KCNIP1: variants seen among roughly 807,000 people sequenced by gnomAD.
KCNIP1 encodes the protein potassium voltage-gated channel interacting protein 1, also known as A-type potassium channel modulatory protein KCNIP1.
KCNIP1 carries 18 observed loss-of-function variants against 33.0 expected under a neutral mutation model. The observed-to-expected ratio is 0.55, with a 90% CI of 0.38 to 0.81. The LOEUF (loss-of-function observed/expected upper bound fraction) is 0.81. KCNIP1 is among the 30% of genes least tolerant of loss of function. The pLI is 0.00. For missense variants in KCNIP1, 238 were observed against 271.6 expected, an observed-to-expected ratio of 0.88 and a Z score of 0.87; for synonymous variants, 93 against 98.3, an observed-to-expected ratio of 0.95 and a Z score of 0.32.
At chr5:170,523,201 T>C (rs1470592649) in intron 1 of KCNIP1, among the ~76,000 whole-genome samples, 1 of 152,140 alleles carries the variant, frequency 6.6e-6, no homozygotes, top group East Asian at 1.9e-4. Flanking sequence ...GAAGAGACAG[T>C]CTGACAGGTG....
chr5:170,725,461 CT>C (rs1353658830), intron 5 of KCNIP1, among the ~76,000 whole-genome samples: 1 of 151,918 alleles, frequency 6.6e-6, no homozygotes, highest in Non-Finnish European at 1.5e-5. Context: ...TTTGTTGGAT[CT>C]AAAAATCAAA....
intron 1 of KCNIP1, among the ~76,000 whole-genome samples, chr5:170,632,394 C>T (rs1043300239): frequency 5.9e-5 from 9 of 152,232 alleles, no homozygotes; most frequent in African/African-American, 2.2e-4. Flanking sequence ...ACCACTGCCC[C>T]CTGGCGCTTC....
chr5:170,535,143 G>T (rs1755933139), intron 1 of KCNIP1, among the ~76,000 whole-genome samples: 1 of 152,198 alleles, frequency 6.6e-6, no homozygotes. Flanking sequence ...AGCAGTGCCT[G>T]CCTGGCTCTA....
chr5:170,405,678 C>T (rs1755020991), intron 1 of KCNIP1, among the ~76,000 whole-genome samples: 1 of 152,238 alleles, frequency 6.6e-6, no homozygotes, highest in Admixed American at 6.5e-5. Flanking sequence ...TGTTCTCTGA[C>T]AGTCAGTTCT....
chr5:170,460,964 A>T (rs1756489559), intron 1 of KCNIP1, among the ~76,000 whole-genome samples: 1 of 152,230 alleles, frequency 6.6e-6, no homozygotes, highest in East Asian at 1.9e-4. Context: ...AAAGTTTTGA[A>T]TACAAAATTA....
chr5:170,528,958 C>T lies in KCNIP1; in HGVS notation c.61+24325C>T, dbSNP rs578205133. On this transcript the variant is annotated intron_variant, in intron 1 of 7. Transcript: ENST00000328939. ...ATTGCATGGGAGACCATACCTAACC[C>T]CAAAGATTGCCCCATAGTCTCTTTG... 2.0e-5 allele frequency among the ~76,000 whole-genome samples: 3 copies of T among 152,244 alleles called. No homozygotes were observed. The South Asian group carries it at 6.2e-4, about 32-fold the overall frequency.
intron 1 of KCNIP1, among the ~76,000 whole-genome samples, chr5:170,543,590 C>T (rs1413164879): frequency 1.3e-5 from 2 of 152,182 alleles, no homozygotes; most frequent in African/African-American, 4.8e-5. Flanking sequence ...TTGACTTTCA[C>T]AGCACAATAA....
intron 5 of KCNIP1, among the ~76,000 whole-genome samples, chr5:170,728,512 A>G (rs1441510854): frequency 6.6e-6 from 1 of 152,234 alleles, no homozygotes; most frequent in Admixed American, 6.5e-5. Flanking sequence ...TACATATGCA[A>G]AAAGAAATTG....
At chr5:170,673,729 C>A (rs144103016) in intron 1 of KCNIP1, among the ~76,000 whole-genome samples, 58 of 152,074 alleles carry the variant, frequency 3.8e-4, no homozygotes, top group Admixed American at 3.8e-3. Flanking sequence ...GCTGTGTCCT[C>A]GCAGGGAGAT....
At chr5:170,451,743 G>GTA (rs1756257860) in intron 1 of KCNIP1, among the ~76,000 whole-genome samples, 1 of 150,768 alleles carries the variant, frequency 6.6e-6, no homozygotes, top group East Asian at 1.9e-4. Context: ...GTGTGTGTGT[G>GTA]TGTGTGTGTG....
Position 170,403,642 on chromosome 5 carries a change from G to A in KCNIP1, c.88+49678G>A, listed in dbSNP as rs145842169. Among the ~76,000 whole-genome samples, 1,184 of 152,260 alleles carry A rather than the reference G, an allele frequency of 7.8e-3. 16 individuals are homozygous for A. Among genetic ancestry groups the A allele is most frequent in the African/African-American group, 0.027 (1,114 of 41,522 alleles). On this transcript the variant is annotated intron_variant, in intron 1 of 7. Coordinates refer to the KCNIP1 transcript ENST00000377360. The stretch of plus-strand genomic sequence containing the variant: ...TGAGTGTATAGGTCTCCTTCCCAAG[G>A]CCAAGTGCTCCTCTGGGATGGAAGC...
chr5:170,561,427 G>A (rs1368800038), intron 1 of KCNIP1, among the ~76,000 whole-genome samples: 1 of 152,208 alleles, frequency 6.6e-6, no homozygotes, highest in South Asian at 2.1e-4. Flanking sequence ...GAGAAAGGAG[G>A]AGGATGGTGC....
At chr5:170,698,618 C>T (rs1012972014) in intron 1 of KCNIP1, among the ~76,000 whole-genome samples, 8 of 152,052 alleles carry the variant, frequency 5.3e-5, no homozygotes, top group Admixed American at 2.0e-4. Context: ...ACCCCCACCC[C>T]CAATACTCCC....
chr5:170,591,334 T>C (rs1032887559), intron 1 of KCNIP1, among the ~76,000 whole-genome samples: 1 of 151,698 alleles, frequency 6.6e-6, no homozygotes, highest in Non-Finnish European at 1.5e-5. Flanking sequence ...TCTCAGGACT[T>C]GGACAGCGGT....
intron 1 of KCNIP1, among the ~76,000 whole-genome samples, chr5:170,517,616 A>G (rs577863997): frequency 2.7e-5 from 4 of 150,940 alleles, no homozygotes; most frequent in East Asian, 2.0e-4. Flanking sequence ...TGATGATGAT[A>G]ATAGTAATGA....
chr5:170,505,112 T>A (rs1754663137), intron 1 of KCNIP1, among the ~76,000 whole-genome samples: 1 of 152,176 alleles, frequency 6.6e-6, no homozygotes, highest in African/African-American at 2.4e-5. Flanking sequence ...CCAAAACCTC[T>A]GCAAGCCAAA....
At chr5:170,495,099 C>G (rs1021218580) in intron 1 of KCNIP1, among the ~76,000 whole-genome samples, 1 of 152,210 alleles carries the variant, frequency 6.6e-6, no homozygotes, top group Non-Finnish European at 1.5e-5. Context: ...CTCTCAGTGG[C>G]AGAGAACCCT....
At chr5:170,523,660 G>A (rs1755455441) in intron 1 of KCNIP1, among the ~76,000 whole-genome samples, 1 of 152,104 alleles carries the variant, frequency 6.6e-6, no homozygotes, top group Non-Finnish European at 1.5e-5. Flanking sequence ...CCCTGCACGT[G>A]TCACCTCCCT....
intron 1 of KCNIP1, among the ~76,000 whole-genome samples, chr5:170,458,217 A>G (rs1014944479): frequency 2.0e-5 from 3 of 152,264 alleles, no homozygotes; most frequent in Non-Finnish European, 4.4e-5. Context: ...GGCCAAACCT[A>G]AGAATAATTG....
Sources: gnomAD v4.1 joint callset for allele counts (sites outside exome capture counted in the v4.1 genomes callset) on GRCh38, gnomAD v4.1.1 for gene constraint, MANE v1.5 for transcripts, NCBI Gene and HGNC (gene_info 2026-07-23, HGNC 2026-07-21) for gene names.